Variants in RUVBL1 observed in about 807,000 individuals in gnomAD.
RUVBL1 encodes the protein ruvB-like 1.
Under a neutral mutation model 52.4 loss-of-function variants are expected in RUVBL1, and 4 were observed. The ratio of observed to expected loss-of-function variants is 0.08; its 90% CI spans 0.04 to 0.17. The LOEUF (loss-of-function observed/expected upper bound fraction) is 0.17. RUVBL1 is among the 10% of genes least tolerant of loss of function. The pLI, the probability that RUVBL1 is intolerant of heterozygous loss-of-function variation, is 1.00. For missense variants in RUVBL1, 298 were observed against 572.8 expected (o/e 0.52, Z 4.90); for synonymous variants, 217 against 214.4 (o/e 1.01, Z -0.10).
At position 128,105,182 on chromosome 3, in the gene RUVBL1, G is replaced by A. The variant is rs749457490; in HGVS notation, c.362-258C>T. ...GGCTGGAGTGCAGTGGCACGATCTC[G>A]ACTCACTGCAACCTCTGCCTCCCCG... On this transcript the variant is annotated intron_variant, in intron 3 of 10. Coordinates refer to ENST00000322623, the MANE Select transcript of RUVBL1 (RefSeq NM_003707.3). Among the ~76,000 whole-genome samples the A allele has an allele frequency of 2.3e-4, 34 of 147,764 alleles. 1 individual carries two copies. Among genetic ancestry groups the A allele is most frequent in the Non-Finnish European group, 1.0e-4 (7 of 67,404 alleles).
intron 2 of RUVBL1, among the ~76,000 whole-genome samples, chr3:128,114,455 C>A (rs1273018576): frequency 6.6e-6 from 1 of 152,164 alleles, no homozygotes; most frequent in Non-Finnish European, 1.5e-5. Context: ...TTCAGTGTGA[C>A]CTTGGGCACT....
At position 128,082,045 on chromosome 3, in the gene RUVBL1, T is replaced by G. The variant is rs1386320934; in HGVS notation, c.1211+438A>C. 5 of 176,832 alleles carry G rather than the reference T, an allele frequency of 2.8e-5. No homozygotes were observed. Among genetic ancestry groups the G allele is most frequent in the South Asian group, 2.3e-4 (2 of 8,792 alleles). The allele number at this position is 176,832 out of a possible 1,614,324, so 11.0% of individuals were successfully genotyped here. On this transcript the variant is annotated intron_variant, in intron 10 of 10. Coordinates refer to ENST00000322623, the MANE Select transcript of RUVBL1 (RefSeq NM_003707.3). The surrounding 1 kb of genome is among the most constrained non-coding windows in gnomAD (Gnocchi z 4.7). ...CTATGTCTGCGCTCCTCCCTGGCTCTCCATATCCACCACCCAGACATTTTT... is the reference window on the plus strand; with the variant it reads ...CTATGTCTGCGCTCCTCCCTGGCTCGCCATATCCACCACCCAGACATTTTT...
rs767003714 is a variant in RUVBL1 at position 128,140,290 on chromosome 3, G to A, written c.-40+12913C>T. On this transcript the variant is annotated intron_variant, in intron 1 of 9. Coordinates refer to the RUVBL1 transcript ENST00000464873. The stretch of plus-strand genomic sequence containing the variant: ...GTTACCCAGGCTAGAGGGCAGTGGC[G>A]TGATCTGGGCTCATCCTTGTGTGCT... Among the ~76,000 whole-genome samples, 137 of 73,666 alleles carry A rather than the reference G, an allele frequency of 1.9e-3. 16 individuals are homozygous for A. Among genetic ancestry groups the A allele is most frequent in the Non-Finnish European group, 3.2e-3 (114 of 35,954 alleles). The allele number at this position is 73,666 out of a possible 152,430, so 48.3% of individuals were successfully genotyped here.
chr3:128,079,942 A>C (rs577039357), downstream of RUVBL1, among the ~76,000 whole-genome samples: 1 of 152,358 alleles, frequency 6.6e-6, no homozygotes, highest in African/African-American at 2.4e-5. Flanking sequence ...AACTAGCACA[A>C]GGAGCAAGTG....
Position 128,119,430 on chromosome 3 carries a change from G to A in RUVBL1, c.142-16C>T, listed in dbSNP as rs534856097. The A allele has an allele frequency of 3.1e-6, 5 of 1,591,504 alleles. No individual in the cohort carries two copies. Among genetic ancestry groups the A allele is most frequent in the Non-Finnish European group, 4.3e-6 (5 of 1,163,300 alleles). The stretch of plus-strand genomic sequence containing the variant: ...CGCCACATGCCTACACACCACAATG[G>A]AAAGAAATAATAAATCAATATTAAA... On this transcript the variant is annotated splice_polypyrimidine_tract_variant and intron_variant, in intron 1 of 10. Transcript: ENST00000322623.
chr3:128,143,173 ATT>A (rs35634913), intron 1 of RUVBL1, among the ~76,000 whole-genome samples: 5,677 of 133,086 alleles, frequency 0.043, 417 homozygotes, highest in East Asian at 0.36. Context: ...ACCCTTATCT[ATT>A]TTTTTTTTTT....
chr3:128,096,827 C>A (rs11709377), intron 8 of RUVBL1, among the ~76,000 whole-genome samples: 21,076 of 139,026 alleles, frequency 0.15, 1,631 homozygotes, highest in African/African-American at 0.22. Context: ...ACTCTGTCCC[C>A]AAAAAAAAAA....
chr3:128,090,410 T>C (rs562290994), intron 8 of RUVBL1, among the ~76,000 whole-genome samples: 10 of 152,046 alleles, frequency 6.6e-5, no homozygotes, highest in Non-Finnish European at 1.2e-4. Flanking sequence ...TCCCAGCTAC[T>C]TGGGAGGCTG....
chr3:128,124,338 T>C (rs570015348), upstream of RUVBL1, among the ~76,000 whole-genome samples: 1 of 150,678 alleles, frequency 6.6e-6, no homozygotes, highest in Non-Finnish European at 1.5e-5. Flanking sequence ...CTGAGTTCAG[T>C]TGACTGTAAA....
intron 9 of RUVBL1, among the ~76,000 whole-genome samples, chr3:128,072,787 G>T (rs1433489370): frequency 6.6e-6 from 1 of 152,170 alleles, no homozygotes; most frequent in Non-Finnish European, 1.5e-5. Context: ...TGCACCTGTG[G>T]CCGTGGCCCC....
chr3:128,088,846 T>G (rs939911027), intron 8 of RUVBL1, among the ~76,000 whole-genome samples: 1 of 152,218 alleles, frequency 6.6e-6, no homozygotes, highest in Non-Finnish European at 1.5e-5. Context: ...TTGTTGAGCA[T>G]TTAGGTAGTT....
At chr3:128,088,911 A>G (rs530454687) in intron 8 of RUVBL1, among the ~76,000 whole-genome samples, 82 of 152,348 alleles carry the variant, frequency 5.4e-4, no homozygotes, top group Non-Finnish European at 9.3e-4. Flanking sequence ...GCATACAGCC[A>G]TAAGCATTTC....
Position 128,067,961 on chromosome 3 carries a change from C to T in RUVBL1, c.940-2741G>A. 6.2e-7 allele frequency: 1 copy of T among 1,609,928 alleles called. No homozygotes were observed. The highest frequency in any genetic ancestry group is 2.2e-5 in the East Asian group (1 of 44,850). ...CCCCTTCAGCCTCCAATTCCAACTTCTCCCCTGTGGGCACCCTGCAGGTTG... is the reference window on the plus strand; with the variant it reads ...CCCCTTCAGCCTCCAATTCCAACTTTTCCCCTGTGGGCACCCTGCAGGTTG... On this transcript the variant is annotated intron_variant, in intron 9 of 9. Coordinates refer to the RUVBL1 transcript ENST00000464873. The surrounding 1 kb of genome is among the most constrained non-coding windows in gnomAD (Gnocchi z 4.1).
rs2107668995 is a variant in RUVBL1 at position 128,081,605 on chromosome 3, G to A, written c.1212-196C>T. ...TGCAGTCATTATCCCATCAGAGAGG[G>A]TCCAGGAGCCACCAAGAAGACATAA... On this transcript the variant is annotated intron_variant, in intron 10 of 10. Transcript: ENST00000322623. This position sits in a 1 kb window ranked among gnomAD's most constrained non-coding sequence, Gnocchi z 4.8. 3.4e-6 allele frequency: 2 copies of A among 582,010 alleles called. No homozygotes were observed. The highest frequency in any genetic ancestry group is 3.7e-5 in the African/African-American group (2 of 53,820). The allele number at this position is 582,010 out of a possible 1,614,324, so 36.1% of individuals were successfully genotyped here.
chr3:128,123,815 G>A (rs1943721000), upstream of RUVBL1: 2 of 1,452,392 alleles, frequency 1.4e-6, no homozygotes, highest in Admixed American at 2.1e-5. Context: ...CCGTTACTAG[G>A]GCAATTTGCA....
At chr3:128,138,265 AT>A (rs35186770) in intron 1 of RUVBL1, among the ~76,000 whole-genome samples, 21,059 of 152,138 alleles carry the variant, frequency 0.14, 1,647 homozygotes, top group African/African-American at 0.2. Flanking sequence ...TTCCTTGCAG[AT>A]ATGATCTTAT....
intron 3 of RUVBL1, among the ~76,000 whole-genome samples, chr3:128,108,058 C>T (rs946130816): frequency 2.0e-5 from 3 of 152,178 alleles, no homozygotes; most frequent in South Asian, 2.1e-4. Context: ...GCTGAGCTGG[C>T]GCTATCTCTG....
chr3:128,091,302 C>CGG (rs143644091), intron 8 of RUVBL1, among the ~76,000 whole-genome samples: 3 of 66,288 alleles, frequency 4.5e-5, no homozygotes, highest in South Asian at 4.7e-4. Context: ...GCTGGGGGAA[C>CGG]GGGGGGTGGG....
upstream of RUVBL1, among the ~76,000 whole-genome samples, chr3:128,127,615 G>A (rs1943810963): frequency 6.6e-6 from 1 of 152,186 alleles, no homozygotes; most frequent in Non-Finnish European, 1.5e-5. Flanking sequence ...TACTGTGTGT[G>A]GCAGGATGCA....
Sources: allele counts gnomAD v4.1 joint callset (sites outside exome capture counted in the v4.1 genomes callset), GRCh38; gene constraint gnomAD v4.1.1; non-coding constraint Gnocchi (gnomAD v3.1); transcripts MANE v1.5; gene names NCBI Gene and HGNC (gene_info 2026-07-23, HGNC 2026-07-21).